Variants in PPP1R9A observed in about 807,000 individuals in gnomAD.
The protein encoded by PPP1R9A is protein phosphatase 1 regulatory subunit 9A, also known as neurabin-1.
In PPP1R9A, 59 loss-of-function variants were observed where a neutral mutation model predicts 141.9. The ratio of observed to expected loss-of-function variants is 0.42; its 90% CI spans 0.34 to 0.52. The LOEUF is 0.52. PPP1R9A is among the 20% of genes least tolerant of loss of function. PPP1R9A has a pLI of 0.10. For synonymous variants in PPP1R9A, 500 were observed against 569.7 expected (o/e 0.88, Z 1.74); for missense variants, 1,444 against 1,611.9 (o/e 0.90, Z 1.78).
intron 14 of PPP1R9A, among the ~76,000 whole-genome samples, chr7:95,271,039 A>T (rs2153050302): frequency 6.6e-6 from 1 of 152,176 alleles, no homozygotes; most frequent in Non-Finnish European, 1.5e-5. Context: ...CACTTAAGGG[A>T]AAAAAAGGGT....
intron 5 of PPP1R9A, among the ~76,000 whole-genome samples, chr7:95,183,155 T>G (rs1024520373): frequency 7.9e-5 from 12 of 152,038 alleles, no homozygotes; most frequent in Non-Finnish European, 1.5e-4. Flanking sequence ...CTTTTTTTTT[T>G]GAGACAGGGT....
intron 2 of PPP1R9A, among the ~76,000 whole-genome samples, chr7:95,052,337 A>G (rs1810937116): frequency 6.6e-6 from 1 of 152,188 alleles, no homozygotes; most frequent in Non-Finnish European, 1.5e-5. Context: ...ATAAGAGATT[A>G]TGATGGCCTG....
At chr7:95,210,675 C>T (rs1300603250) in intron 7 of PPP1R9A, among the ~76,000 whole-genome samples, 1 of 152,108 alleles carries the variant, frequency 6.6e-6, no homozygotes, top group Non-Finnish European at 1.5e-5. Flanking sequence ...ATAAATCATT[C>T]TACTGTAAAG....
At chr7:95,006,262 G>A (rs1803574893) in intron 2 of PPP1R9A, among the ~76,000 whole-genome samples, 1 of 151,602 alleles carries the variant, frequency 6.6e-6, no homozygotes, top group Admixed American at 6.6e-5. Flanking sequence ...CTTTTGCCCA[G>A]GCTGGAGTGA....
At chr7:94,996,799 GTTT>G (rs34164253) in intron 2 of PPP1R9A, among the ~76,000 whole-genome samples, 2,008 of 111,646 alleles carry the variant, frequency 0.018, 31 homozygotes, top group African/African-American at 0.052. Flanking sequence ...GATACTCTGT[GTTT>G]TTTTTTTTTT....
chr7:95,025,700 C>T (rs1429487421), intron 2 of PPP1R9A, among the ~76,000 whole-genome samples: 1 of 152,190 alleles, frequency 6.6e-6, no homozygotes, highest in African/African-American at 2.4e-5. Context: ...CTGTCACTTT[C>T]AGGTACACCA....
chr7:95,027,761 C>T (rs1010025942), intron 2 of PPP1R9A, among the ~76,000 whole-genome samples: 3 of 152,068 alleles, frequency 2.0e-5, no homozygotes, highest in African/African-American at 7.2e-5. Flanking sequence ...ATACTGTTGG[C>T]AGTTGTATCA....
chr7:95,128,642 T>C (rs1008456856), intron 4 of PPP1R9A, among the ~76,000 whole-genome samples: 5 of 152,192 alleles, frequency 3.3e-5, no homozygotes, highest in Non-Finnish European at 5.9e-5. Context: ...AATGGTGCGA[T>C]CTTGGCTCAC....
At chr7:94,961,996 C>T (rs1300242537) in intron 2 of PPP1R9A, among the ~76,000 whole-genome samples, 1 of 151,714 alleles carries the variant, frequency 6.6e-6, no homozygotes, top group Non-Finnish European at 1.5e-5. Flanking sequence ...CATTGGGTTT[C>T]GGGATAGAAA....
intron 3 of PPP1R9A, among the ~76,000 whole-genome samples, chr7:95,112,556 G>A (rs1184407238): frequency 6.6e-6 from 1 of 151,730 alleles, no homozygotes; most frequent in Non-Finnish European, 1.5e-5. Flanking sequence ...TCCCACTACT[G>A]AATATCTCCC....
At chr7:94,947,946 G>A (rs1170356940) in intron 2 of PPP1R9A, among the ~76,000 whole-genome samples, 1 of 151,940 alleles carries the variant, frequency 6.6e-6, no homozygotes, top group East Asian at 1.9e-4. Context: ...GTTTGGGGAG[G>A]CCTGAGTGAA....
intron 2 of PPP1R9A, among the ~76,000 whole-genome samples, chr7:95,104,743 C>T (rs768524425): frequency 5.3e-5 from 8 of 152,314 alleles, no homozygotes; most frequent in Non-Finnish European, 1.0e-4. Flanking sequence ...TGAGATTATA[C>T]ATTGCTCTAA....
chr7:95,096,368 TTTGCTCTTG>T (rs762742064), intron 2 of PPP1R9A, among the ~76,000 whole-genome samples: 8 of 152,086 alleles, frequency 5.3e-5, no homozygotes, highest in Non-Finnish European at 1.0e-4. Context: ...CTTTCCTCTT[TTTGCTCTTG>T]TTGCAAGGAC....
chr7:94,919,729 A>G (rs1792552068), intron 2 of PPP1R9A, among the ~76,000 whole-genome samples: 1 of 152,136 alleles, frequency 6.6e-6, no homozygotes, highest in Non-Finnish European at 1.5e-5. Context: ...AAGATGAGTG[A>G]TTTGAAGCAG....
chr7:94,931,026 T>TTGCC (rs1209308833), intron 2 of PPP1R9A, among the ~76,000 whole-genome samples: 1 of 152,214 alleles, frequency 6.6e-6, no homozygotes, highest in African/African-American at 2.4e-5. Context: ...TAGAATGATT[T>TTGCC]TGCCTGGTCA....
rs1306698420 is a variant in PPP1R9A, at chr7:95,288,593, G to A, written c.3787G>A (p.Glu1263Lys). Reference sequence around the variant, plus strand: ...TCAGTGTCAGAATCGGGCCGTTCAGGAATGGAGTGTGCAGCAGGTTTCTCA... The same window carrying A: ...TCAGTGTCAGAATCGGGCCGTTCAGAAATGGAGTGTGCAGCAGGTTTCTCA... Reference protein sequence around the residue: ...HSQCQNRAVQEWSVQQVSHWL... With the variant: ...HSQCQNRAVQKWSVQQVSHWL... The change falls in exon 19 of 20, where the codon GAA becomes AAA. Residue 1263 changes from glutamate to lysine, a missense_variant. Glu to Lys is a moderately conservative substitution (Grantham distance 56, BLOSUM62 1). This residue lies in a region of PPP1R9A where 459 missense variants were observed against 513.8 expected (regional missense o/e 0.89). Coordinates refer to ENST00000433360, the MANE Select transcript of PPP1R9A (RefSeq NM_001166160.2). 1 of 1,614,144 alleles carries A rather than the reference G, an allele frequency of 6.2e-7. No individual in the cohort carries two copies. Among genetic ancestry groups the A allele is most frequent in the Admixed American group, 1.7e-5 (1 of 60,000 alleles).
chr7:95,037,202 A>G (rs1808549860), intron 2 of PPP1R9A: 2 of 152,180 alleles, frequency 1.3e-5, no homozygotes, highest in Non-Finnish European at 2.9e-5. Context: ...ATAGTGGTCC[A>G]TTATTTTTCT....
intron 2 of PPP1R9A, among the ~76,000 whole-genome samples, chr7:95,093,540 T>C (rs796297067): frequency 1.4e-4 from 21 of 152,340 alleles, no homozygotes; most frequent in African/African-American, 5.1e-4. Context: ...AAGTAAATTA[T>C]GAGTTCTTCC....
At chr7:95,121,170 T>C (rs995957391) in intron 4 of PPP1R9A, among the ~76,000 whole-genome samples, 4 of 152,132 alleles carry the variant, frequency 2.6e-5, no homozygotes, top group Admixed American at 2.6e-4. Context: ...TCAGAAATAT[T>C]GAAAGAAATG....
Sources: allele counts gnomAD v4.1 joint callset (sites outside exome capture counted in the v4.1 genomes callset), GRCh38; gene constraint gnomAD v4.1.1; regional missense constraint gnomAD v4.1.1; transcripts MANE v1.5; gene names NCBI Gene and HGNC (gene_info 2026-07-23, HGNC 2026-07-21).